CCNJL: variants seen among roughly 807,000 people sequenced by gnomAD.
CCNJL encodes the protein cyclin J like, also known as cyclin-J-like protein.
CCNJL carries 33 observed loss-of-function variants against 33.4 expected under a neutral mutation model. The observed-to-expected ratio is 0.99, with a 90% CI of 0.75 to 1.32. The LOEUF is 1.32. Among genes scored for constraint, CCNJL ranks in the 40% most tolerant of loss-of-function variants. CCNJL has a pLI of 0.00. For missense variants in CCNJL, 512 were observed against 499.7 expected (o/e 1.02, Z -0.23); for synonymous variants, 227 against 220.9 (o/e 1.03, Z -0.24).
At chr5:160,325,461 G>A (rs1240613634) in intron 1 of CCNJL, among the ~76,000 whole-genome samples, 3 of 152,126 alleles carry the variant, frequency 2.0e-5, no homozygotes, top group Non-Finnish European at 4.4e-5. Context: ...TGCTGGGAAT[G>A]TTACCACATC....
chr5:160,290,763 C>G (rs569251046), intron 2 of CCNJL, among the ~76,000 whole-genome samples: 2 of 152,074 alleles, frequency 1.3e-5, no homozygotes, highest in Non-Finnish European at 2.9e-5. Context: ...AAAGGAACAC[C>G]TGATAATTAC....
intron 2 of CCNJL, among the ~76,000 whole-genome samples, chr5:160,304,846 G>T (rs376552637): frequency 2.0e-5 from 3 of 147,358 alleles, no homozygotes; most frequent in East Asian, 2.0e-4. Flanking sequence ...AGGAAATCTC[G>T]CTCTGTCACC....
chr5:160,267,851 C>T (rs962549082), intron 3 of CCNJL, among the ~76,000 whole-genome samples: 2 of 152,230 alleles, frequency 1.3e-5, no homozygotes, highest in Admixed American at 1.3e-4. Context: ...CATGCACCAC[C>T]ATGCTTGGCC....
chr5:160,337,622 G>T (rs967485460), intron 1 of CCNJL, among the ~76,000 whole-genome samples: 2 of 152,226 alleles, frequency 1.3e-5, no homozygotes, highest in African/African-American at 4.8e-5. Flanking sequence ...ACGTTGCATT[G>T]AGAATGTCGG....
chr5:160,312,226 G>C, intron 1 of CCNJL, 138 bp downstream of exon 1: 1 of 489,202 alleles, frequency 2.0e-6, no homozygotes, highest in African/African-American at 2.0e-5. Context: ...AAGTTGCAGA[G>C]AAAGTTGTCA....
intron 2 of CCNJL, among the ~76,000 whole-genome samples, chr5:160,290,766 A>C (rs1762556442): frequency 6.6e-6 from 1 of 152,192 alleles, no homozygotes; most frequent in African/African-American, 2.4e-5. Flanking sequence ...GGAACACCTG[A>C]TAATTACAAA....
In CCNJL at chr5:160,253,685, G is replaced by T. The variant is rs780867242; in HGVS notation, c.857C>A (p.Pro286Gln). ...GGTGGTCGCTGGCTGGCCGAGGGCC[G>T]GGTAGGCTGGTGGCTGGAACAGCAC... ...TQVLFQPPAY[P>Q]ALGQPATTLA... Residue 286 changes from proline to glutamine, a missense_variant, in exon 6 of 6, where the codon CCG becomes CAG. Coordinates refer to ENST00000257536, the MANE Select transcript of CCNJL (RefSeq NM_001308173.3). 9.3e-6 allele frequency: 15 copies of T among 1,607,476 alleles called. No homozygotes were observed. The highest frequency in any genetic ancestry group is 1.7e-6 in the Non-Finnish European group (2 of 1,176,240).
intron 1 of CCNJL, among the ~76,000 whole-genome samples, chr5:160,334,090 G>A (rs1321523358): frequency 6.6e-6 from 1 of 152,148 alleles, no homozygotes; most frequent in Admixed American, 6.6e-5. Context: ...ATCGCATGCT[G>A]TGACCAACAA....
At chr5:160,253,886 G>T in intron 5 of CCNJL, 88 bp from the exon 6 acceptor site, 1 of 1,033,304 alleles carries the variant, frequency 9.7e-7, no homozygotes, top group East Asian at 2.5e-5. Context: ...AAGTGGGACT[G>T]GAAGAGATGC....
chr5:160,316,739 T>A (rs1300439595), upstream of CCNJL, among the ~76,000 whole-genome samples: 1 of 152,220 alleles, frequency 6.6e-6, no homozygotes, highest in Admixed American at 6.5e-5. Flanking sequence ...CTTACTGTTT[T>A]GTGTTTTGTT....
At chr5:160,256,039 C>T (rs1464265927) in intron 4 of CCNJL, among the ~76,000 whole-genome samples, 2 of 152,148 alleles carry the variant, frequency 1.3e-5, no homozygotes, top group East Asian at 3.9e-4. Flanking sequence ...CAGGCATGTA[C>T]AAACACATCT....
intron 3 of CCNJL, chr5:160,269,559 G>A: frequency 2.2e-6 from 1 of 448,994 alleles, no homozygotes; most frequent in Non-Finnish European, 4.5e-6. Context: ...GCGGGGAACA[G>A]GGAGAAGGAA....
At chr5:160,270,996 G>C (rs141324046) in intron 3 of CCNJL, among the ~76,000 whole-genome samples, 1 of 152,188 alleles carries the variant, frequency 6.6e-6, no homozygotes, top group Non-Finnish European at 1.5e-5. Flanking sequence ...GACAAAGAGA[G>C]ACTTTTCCTG....
rs561396009 is a variant in CCNJL at position 160,252,015 on chromosome 5, G to A, written c.*1363C>T. ...GCCCCTGCCACAGTCTCCAGGACTG[G>A]CAAGGGGCTAAGGAATCCAAGACAG... On this transcript the variant is annotated 3_prime_UTR_variant, in exon 6 of 6. Coordinates refer to ENST00000257536, the MANE Select transcript of CCNJL (RefSeq NM_001308173.3). 2.4e-4 allele frequency: 37 copies of A among 152,504 alleles called. No homozygotes were observed. The highest frequency in any genetic ancestry group is 8.7e-4 in the African/African-American group (36 of 41,580). 9.4% of individuals were successfully genotyped at this position (152,504 alleles called of 1,614,324 possible). A position where few individuals can be genotyped will look rare whatever the true frequency, so the allele number is the denominator to read the frequency against.
intron 2 of CCNJL, among the ~76,000 whole-genome samples, chr5:160,291,952 C>T (rs1762600641): frequency 6.6e-6 from 1 of 152,112 alleles, no homozygotes; most frequent in Non-Finnish European, 1.5e-5. Flanking sequence ...GGTGAACTGG[C>T]CCGACTTGGA....
At chr5:160,289,938 CAGGGCAGAGACTGCCCCCAAGAGAACCAT>C (rs1201117932) in intron 2 of CCNJL, among the ~76,000 whole-genome samples, 4 of 152,198 alleles carry the variant, frequency 2.6e-5, no homozygotes, top group Admixed American at 2.6e-4. Context: ...GCCAGATGTG[CAGGGCAGAGACTGCCCCCAAGAGAACCAT>C]ACCTATCACT....
At chr5:160,297,184 T>C (rs898323026) in intron 2 of CCNJL, among the ~76,000 whole-genome samples, 1 of 152,212 alleles carries the variant, frequency 6.6e-6, no homozygotes, top group African/African-American at 2.4e-5. Context: ...GCTAAGGGCC[T>C]CAGGGCAGGT....
intron 1 of CCNJL, among the ~76,000 whole-genome samples, chr5:160,335,749 A>ATT (rs70990725): frequency 8.7e-4 from 122 of 140,788 alleles, no homozygotes; most frequent in South Asian, 1.4e-3. Flanking sequence ...TTTTTTTGAA[A>ATT]TTTTTTTTTT....
At chr5:160,281,695 G>A (rs2113356366) in intron 2 of CCNJL, among the ~76,000 whole-genome samples, 1 of 152,292 alleles carries the variant, frequency 6.6e-6, no homozygotes, top group East Asian at 1.9e-4. Flanking sequence ...CTCTTACCCA[G>A]GCTGGAGAGC....
Sources: gnomAD v4.1 joint callset for allele counts (sites outside exome capture counted in the v4.1 genomes callset) on GRCh38, gnomAD v4.1.1 for gene constraint, MANE v1.5 for transcripts, NCBI Gene and HGNC (gene_info 2026-07-23, HGNC 2026-07-21) for gene names.